FAM149A: variants seen among roughly 807,000 people sequenced by gnomAD.
FAM149A encodes protein FAM149A.
Under a neutral mutation model 78.2 loss-of-function variants are expected in FAM149A, and 71 were observed. That is an observed-to-expected ratio of 0.91 (90% CI 0.75 to 1.11). The LOEUF is 1.11. FAM149A is among the 50% of genes least tolerant of loss of function. FAM149A has a pLI of 0.00. For synonymous variants in FAM149A, 446 were observed against 410.5 expected (o/e 1.09, Z -1.04); for missense variants, 1,036 against 971.0 (o/e 1.07, Z -0.89).
intron 1 of FAM149A, chr4:186,132,195 G>A (rs2099321025): frequency 1.0e-6 from 1 of 985,296 alleles, no homozygotes; most frequent in Admixed American, 6.2e-5. Context: ...GATTTTTAAA[G>A]ACCTGTTTTC....
intron 1 of FAM149A, chr4:186,130,053 T>C (rs1203802250): frequency 6.6e-6 from 1 of 152,116 alleles, no homozygotes; most frequent in Non-Finnish European, 1.5e-5. Context: ...CAGCAGCTAA[T>C]GTCTGCTGCC....
At position 186,156,204 on chromosome 4, in the gene FAM149A, G is replaced by T; in HGVS notation, c.1420+14G>T. The T allele has an allele frequency of 6.3e-7, 1 of 1,598,582 alleles. No homozygotes were observed. On this transcript the variant is annotated intron_variant, in intron 7 of 13. Transcript: ENST00000389354. Reference sequence around the variant, plus strand: ...CTACACTCACAGGTACTTACATGCAGAATTTAGCTTAATGAAAAGAAAAAG... The same window carrying T: ...CTACACTCACAGGTACTTACATGCATAATTTAGCTTAATGAAAAGAAAAAG...
chr4:186,170,204 C>T (rs1462019617), intron 13 of FAM149A, among the ~76,000 whole-genome samples: 7 of 152,214 alleles, frequency 4.6e-5, no homozygotes, highest in African/African-American at 9.6e-5. Context: ...CTGTGCAATC[C>T]GGAGGAGGCC....
At chr4:186,143,504 G>A (rs1384314922) in intron 1 of FAM149A, among the ~76,000 whole-genome samples, 1 of 151,872 alleles carries the variant, frequency 6.6e-6, no homozygotes, top group Non-Finnish European at 1.5e-5. Flanking sequence ...ATAAAAGTGG[G>A]GAGGATTCCA....
chr4:186,158,223 G>A lies in FAM149A; in HGVS notation c.1575+504G>A, dbSNP rs1033893585. On this transcript the variant is annotated intron_variant, in intron 8 of 13. Coordinates refer to ENST00000389354, the MANE Select transcript of FAM149A (RefSeq NM_001367768.3). ...CGCTTCTCTCCTGGAACCTTCACTC[G>A]CCAGACCCAGGCAGCCTTCCGGGAG... The A allele has an allele frequency of 2.7e-5, 34 of 1,267,444 alleles. No homozygotes were observed. The Middle Eastern group carries it at 1.0e-3, about 39-fold the overall frequency. 78.5% of individuals were successfully genotyped at this position (1,267,444 alleles called of 1,614,324 possible).
At chr4:186,109,014 AT>A (rs1228232861) in intron 1 of FAM149A, 3 of 162,582 alleles carry the variant, frequency 1.8e-5, no homozygotes, top group Admixed American at 6.6e-5. Flanking sequence ...CGCCCGGCTA[AT>A]TTTTTGTATT....
chr4:186,125,216 C>T (rs201379637), intron 1 of FAM149A: 2 of 977,376 alleles, frequency 2.0e-6, no homozygotes, highest in East Asian at 2.3e-4. Flanking sequence ...CTTTTCCTTT[C>T]TCTCAGTACT....
At chr4:186,120,848 C>CTTTTTTTTTTTTTTTTTTT (rs374357159) in intron 1 of FAM149A, among the ~76,000 whole-genome samples, 2 of 90,208 alleles carry the variant, frequency 2.2e-5, no homozygotes, top group Non-Finnish European at 3.8e-5. Flanking sequence ...AAATAATATT[C>CTTTTTTTTTTTTTTTTTTT]TTTTTTTTTT....
intron 1 of FAM149A, among the ~76,000 whole-genome samples, chr4:186,135,253 T>C (rs544604377): frequency 6.6e-6 from 1 of 152,352 alleles, no homozygotes; most frequent in Admixed American, 6.5e-5. Context: ...TTACTTTAGA[T>C]TGTGTATTAA....
At chr4:186,114,133 C>T (rs1296445013) in intron 1 of FAM149A, among the ~76,000 whole-genome samples, 1 of 82,604 alleles carries the variant, frequency 1.2e-5, no homozygotes, top group South Asian at 5.7e-4. Flanking sequence ...GAATTGATCC[C>T]TTTACCATTA....
intron 1 of FAM149A, among the ~76,000 whole-genome samples, chr4:186,145,423 G>T (rs1259547651): frequency 2.0e-5 from 3 of 152,180 alleles, no homozygotes; most frequent in African/African-American, 7.2e-5. Flanking sequence ...AAACCAGCCT[G>T]CATTTTAACC....
intron 1 of FAM149A, chr4:186,146,817 A>G: frequency 2.0e-6 from 2 of 985,418 alleles, no homozygotes; most frequent in Non-Finnish European, 2.4e-6. Flanking sequence ...ATGTAATCCT[A>G]TGTTTCAGGC....
In FAM149A at chr4:186,157,720, G is replaced by C. The variant is rs745920059; in HGVS notation, c.1575+1G>C. ...GGCTTCTCGTCTGAACCCGCCCCAG[G>C]TCGGTGCTTTCACACCCTTCTCCCT... On this transcript the variant is annotated splice_donor_variant, in intron 8 of 13. Transcript: ENST00000389354. LOFTEE classifies it high-confidence loss of function. 1 of 1,604,620 alleles carries C rather than the reference G, an allele frequency of 6.2e-7. No individual in the cohort carries two copies. Among genetic ancestry groups the C allele is most frequent in the Admixed American group, 1.7e-5 (1 of 58,974 alleles).
In FAM149A at chr4:186,105,741, A is replaced by C. The variant is rs139962183; in HGVS notation, c.566+99A>C. On this transcript the variant is annotated intron_variant, in intron 1 of 13. Transcript: ENST00000389354. ...TTCGCAGGTGCACTTCAGGAAATGA[A>C]ATATTTGTAGTAACTTTCATAACCC... 1.4e-3 allele frequency: 1,162 copies of C among 847,942 alleles called. 15 individuals carry two copies. The African/African-American group carries it at 0.02, about 15-fold the overall frequency. The allele number at this position is 847,942 out of a possible 1,614,324, so 52.5% of individuals were successfully genotyped here. A position where few individuals can be genotyped will look rare whatever the true frequency, so the allele number is the denominator to read the frequency against.
intron 7 of FAM149A, 24 bp from the exon 8 acceptor site, chr4:186,157,541 A>C (rs1734143653): frequency 6.2e-7 from 1 of 1,607,048 alleles, no homozygotes; most frequent in Non-Finnish European, 8.5e-7. Flanking sequence ...GTTTCTTGTA[A>C]TATTGATTCT....
chr4:186,165,493 G>A lies in FAM149A; in HGVS notation c.2010+29G>A. Reference sequence around the variant, plus strand: ...AGACAGATTTCATTCTATTTCAGTGGACCATTTAGGTTCTGTATTGGAAAA... The same window carrying A: ...AGACAGATTTCATTCTATTTCAGTGAACCATTTAGGTTCTGTATTGGAAAA... On this transcript the variant is annotated intron_variant, in intron 11 of 13. Coordinates refer to ENST00000389354, the MANE Select transcript of FAM149A (RefSeq NM_001367768.3). 2 of 1,612,514 alleles carry A rather than the reference G, an allele frequency of 1.2e-6. 1 individual carries two copies. The highest frequency in any genetic ancestry group is 2.2e-5 in the South Asian group (2 of 90,792).
chr4:186,126,380 C>T (rs957593404), intron 1 of FAM149A, among the ~76,000 whole-genome samples: 3 of 152,132 alleles, frequency 2.0e-5, no homozygotes, highest in East Asian at 1.9e-4. Flanking sequence ...GCTGATAAAA[C>T]GTTGTTTTTG....
At chr4:186,135,261 T>G (rs925685294) in intron 1 of FAM149A, among the ~76,000 whole-genome samples, 4 of 152,220 alleles carry the variant, frequency 2.6e-5, no homozygotes, top group Non-Finnish European at 4.4e-5. Context: ...GATTGTGTAT[T>G]AAACATAAAA....
At position 186,126,609 on chromosome 4, in the gene FAM149A, C is replaced by A. The variant is rs2099318425; in HGVS notation, c.566+20967C>A. ...GGTCTGGTGTTTGGGTCTTTAGACT[C>A]CAGGACTCCACCCTCGAATTCTCAA... On this transcript the variant is annotated intron_variant, in intron 1 of 13. Transcript: ENST00000389354. 2.6e-5 allele frequency among the ~76,000 whole-genome samples: 4 copies of A among 152,250 alleles called. No homozygotes were observed. The South Asian group carries it at 8.3e-4, about 32-fold the overall frequency.
Sources: allele counts gnomAD v4.1 joint callset (sites outside exome capture counted in the v4.1 genomes callset), GRCh38; gene constraint gnomAD v4.1.1; transcripts MANE v1.5; gene names NCBI Gene and HGNC (gene_info 2026-07-23, HGNC 2026-07-21).